TRAM2: variants seen among roughly 807,000 people sequenced by gnomAD.
TRAM2 encodes the protein translocating chain-associated membrane protein 2.
Under a neutral mutation model 51.0 loss-of-function variants are expected in TRAM2, and 12 were observed. The observed-to-expected ratio is 0.24, with a 90% CI of 0.15 to 0.38. TRAM2 has a LOEUF of 0.38. Ranked by LOEUF, TRAM2 falls within the 10% of genes least tolerant of loss-of-function variation. The probability of loss-of-function intolerance (pLI) is 1.00; values close to 1 mark genes in which losing one functional copy is unlikely to be tolerated. For synonymous variants in TRAM2, 175 were observed against 179.4 expected, an observed-to-expected ratio of 0.98 and a Z score of 0.20; for missense variants, 361 against 462.0, an observed-to-expected ratio of 0.78 and a Z score of 2.00.
Position 52,509,574 on chromosome 6 carries a change from T to C in TRAM2, c.424A>G (p.Thr142Ala). The change falls in exon 5 of 11, where the codon ACA becomes GCA. Residue 142 changes from threonine to alanine, a missense_variant. Transcript: ENST00000182527. The part of the protein sequence containing the change: ...FYVVVTEGYL[T>A]NPRSLWEDYP... Reference sequence around the variant, plus strand: ...TCTTCCCAGAGGCTTCTTGGGTTTGTTAAGTATCCTTCCTGCAGTGGGCAA... The same window carrying C: ...TCTTCCCAGAGGCTTCTTGGGTTTGCTAAGTATCCTTCCTGCAGTGGGCAA... 1 of 1,614,078 alleles carries C rather than the reference T, an allele frequency of 6.2e-7. No homozygotes were observed. The highest frequency in any genetic ancestry group is 8.5e-7 in the Non-Finnish European group (1 of 1,179,976).
chr6:52,505,494 A>G (rs1436111854), intron 9 of TRAM2, 105 bp downstream of exon 9: 3 of 1,442,382 alleles, frequency 2.1e-6, no homozygotes, highest in Non-Finnish European at 2.8e-6. Context: ...AAAAATAACA[A>G]TATGTGGGAG....
Position 52,509,523 on chromosome 6 carries a change from C to G in TRAM2, c.470+5G>C. On this transcript the variant is annotated splice_donor_5th_base_variant and intron_variant, in intron 5 of 10. Transcript: ENST00000182527. ...TCCCTGGGGCTGAGTCAACAGAATA[C>G]TCACGGGAGGTGCACATGCGGGTAG... is the stretch of plus-strand genomic sequence containing the variant. The G allele has an allele frequency of 6.2e-7, 1 of 1,613,796 alleles. No individual in the cohort carries two copies. The highest frequency in any genetic ancestry group is 8.5e-7 in the Non-Finnish European group (1 of 1,179,914).
Position 52,516,664 on chromosome 6 carries a change from G to A in TRAM2, c.258C>T (p.Ile86=). The stretch of plus-strand genomic sequence containing the variant: ...ACTCCTGAACCACAGCATGCAAGAT[G>A]ATGGTGATGAAGATGTAGAACAAGA... The part of the protein sequence containing the change: ...VTILFYIFIT[I]ILHAVVQEYI... Residue 86 remains isoleucine (I), a synonymous_variant, in exon 3 of 11, where the codon ATC becomes ATT. Coordinates refer to ENST00000182527, the MANE Select transcript of TRAM2 (RefSeq NM_012288.4). 6.2e-7 allele frequency: 1 copy of A among 1,614,134 alleles called. No individual in the cohort carries two copies. The highest frequency in any genetic ancestry group is 8.5e-7 in the Non-Finnish European group (1 of 1,179,960).
At chr6:52,543,974 C>G (rs1767150547) in intron 1 of TRAM2, among the ~76,000 whole-genome samples, 1 of 152,186 alleles carries the variant, frequency 6.6e-6, no homozygotes, top group South Asian at 2.1e-4. Context: ...AGACAGTGAC[C>G]TGCTGCAACC....
chr6:52,525,459 A>G (rs1766760352), intron 2 of TRAM2, among the ~76,000 whole-genome samples: 1 of 152,224 alleles, frequency 6.6e-6, no homozygotes, highest in Non-Finnish European at 1.5e-5. Context: ...TCTCAGACAC[A>G]TAAGCACAGA....
At chr6:52,534,208 C>G (rs4715303) in intron 2 of TRAM2, among the ~76,000 whole-genome samples, 66,636 of 151,652 alleles carry the variant, frequency 0.44, 15,177 homozygotes, top group African/African-American at 0.55. Context: ...ATGGAGAAAC[C>G]CTGTCTCTAC....
chr6:52,516,685 C>A lies in TRAM2; in HGVS notation c.237G>T (p.Leu79Phe). The change falls in exon 3 of 11, where the codon TTG becomes TTT. Residue 79 changes from leucine to phenylalanine, a missense_variant. Coordinates refer to ENST00000182527, the MANE Select transcript of TRAM2 (RefSeq NM_012288.4). Reference protein sequence around the residue: ...HYGPKDLVTILFYIFITIILH... With the variant: ...HYGPKDLVTIFFYIFITIILH... ...AGATGATGGTGATGAAGATGTAGAA[C>A]AAGATTGTGACCAGGTCCTTAGGGC... 1 of 1,614,156 alleles carries A rather than the reference C, an allele frequency of 6.2e-7. No homozygotes were observed. Among genetic ancestry groups the A allele is most frequent in the East Asian group, 2.2e-5 (1 of 44,888 alleles).
intron 1 of TRAM2, among the ~76,000 whole-genome samples, chr6:52,561,461 C>T (rs1223951573): frequency 6.7e-6 from 1 of 149,990 alleles, no homozygotes; most frequent in African/African-American, 2.5e-5. Flanking sequence ...TTCTTTTATA[C>T]TTTAGTAGAG....
intron 1 of TRAM2, among the ~76,000 whole-genome samples, chr6:52,561,487 CTTTTTTTT>C (rs61175622): frequency 7.7e-6 from 1 of 130,286 alleles, no homozygotes; most frequent in Non-Finnish European, 1.7e-5. Flanking sequence ...GTTTCTTTTT[CTTTTTTTT>C]TTTTTTTTGA....
intron 2 of TRAM2, among the ~76,000 whole-genome samples, chr6:52,534,743 ACTC>A (rs1482433232): frequency 6.6e-6 from 1 of 152,046 alleles, no homozygotes; most frequent in Non-Finnish European, 1.5e-5. Flanking sequence ...CAGGTTTTAC[ACTC>A]CTATGTGACA....
chr6:52,505,324 G>T (rs1766327088), intron 9 of TRAM2, among the ~76,000 whole-genome samples: 1 of 152,170 alleles, frequency 6.6e-6, no homozygotes, highest in African/African-American at 2.4e-5. Flanking sequence ...TGAGAGACTG[G>T]GTGTGATGCC....
intron 1 of TRAM2, among the ~76,000 whole-genome samples, chr6:52,549,089 C>T (rs912667132): frequency 1.3e-5 from 2 of 152,188 alleles, no homozygotes; most frequent in Non-Finnish European, 2.9e-5. Flanking sequence ...AATGGTTTAG[C>T]TTAGGATAGT....
At chr6:52,573,945 G>A (rs1284070317) in intron 1 of TRAM2, among the ~76,000 whole-genome samples, 1 of 152,180 alleles carries the variant, frequency 6.6e-6, no homozygotes, top group African/African-American at 2.4e-5. Context: ...TTTGTGGGAA[G>A]AATTATAATT....
At chr6:52,574,135 A>G (rs1205118109) in intron 1 of TRAM2, among the ~76,000 whole-genome samples, 2 of 152,094 alleles carry the variant, frequency 1.3e-5, no homozygotes, top group Non-Finnish European at 2.9e-5. Flanking sequence ...ATGCATCCCT[A>G]CATACCCACA....
At position 52,500,367 on chromosome 6, in the gene TRAM2, C is replaced by T. The variant is rs1362295803; in HGVS notation, c.*2830G>A. 2 of 152,116 alleles carry T rather than the reference C, an allele frequency of 1.3e-5. No individual in the cohort carries two copies. Among genetic ancestry groups the T allele is most frequent in the Non-Finnish European group, 1.5e-5 (1 of 68,040 alleles). The allele number at this position is 152,116 out of a possible 1,614,324, so 9.4% of individuals were successfully genotyped here. On this transcript the variant is annotated 3_prime_UTR_variant, in exon 11 of 11. Transcript: ENST00000182527. ...CAACACAGTCTGTGTCAACCTGCCA[C>T]AGACTTGGCTCTGCTGTGAAATAAA...
chr6:52,575,646 G>C (rs1056920826), intron 1 of TRAM2, among the ~76,000 whole-genome samples: 4 of 152,172 alleles, frequency 2.6e-5, no homozygotes. Context: ...CAGAGGGACA[G>C]GGAAGGAAAT....
At chr6:52,547,342 G>T (rs1394072521) in intron 1 of TRAM2, among the ~76,000 whole-genome samples, 3 of 152,118 alleles carry the variant, frequency 2.0e-5, no homozygotes, top group Non-Finnish European at 4.4e-5. Context: ...TGCCCAAGAG[G>T]GTGCACTGGG....
rs1255615002 is a variant in TRAM2, at chr6:52,497,409, A to C, written c.*5788T>G. ...GAAATAATTATGAGACAATTCTGATAATTTTCTGCCTTTTATTGTTATTTC... is the reference window on the plus strand; with the variant it reads ...GAAATAATTATGAGACAATTCTGATCATTTTCTGCCTTTTATTGTTATTTC... On this transcript the variant is annotated 3_prime_UTR_variant, in exon 11 of 11. Transcript: ENST00000182527. The C allele has an allele frequency of 6.6e-6, 1 of 152,662 alleles. No individual in the cohort carries two copies. The highest frequency in any genetic ancestry group is 2.4e-5 in the African/African-American group (1 of 41,458). The allele number at this position is 152,662 out of a possible 1,614,324, so 9.5% of individuals were successfully genotyped here. A position where few individuals can be genotyped will look rare whatever the true frequency, so the allele number is the denominator to read the frequency against.
chr6:52,575,708 G>T (rs1412137982), intron 1 of TRAM2, among the ~76,000 whole-genome samples: 1 of 152,170 alleles, frequency 6.6e-6, no homozygotes, highest in Admixed American at 6.5e-5. Flanking sequence ...AATGATCACA[G>T]CTTCCTAACC....
Sources: allele counts gnomAD v4.1 joint callset (sites outside exome capture counted in the v4.1 genomes callset), GRCh38; gene constraint gnomAD v4.1.1; transcripts MANE v1.5; gene names NCBI Gene and HGNC (gene_info 2026-07-23, HGNC 2026-07-21).